NPRL3: variants seen among roughly 807,000 people sequenced by gnomAD.
NPRL3 encodes NPR3 like, GATOR1 complex subunit.
NPRL3 carries 23 observed loss-of-function variants against 57.2 expected under a neutral mutation model. The observed-to-expected ratio is 0.40, with a 90% CI of 0.29 to 0.57. The LOEUF is 0.57. NPRL3 is among the 20% of genes least tolerant of loss of function. The probability of loss-of-function intolerance (pLI) is 0.42; values close to 1 mark genes in which losing one functional copy is unlikely to be tolerated. For synonymous variants in NPRL3, 333 were observed against 321.1 expected, an observed-to-expected ratio of 1.04 and a Z score of -0.39; for missense variants, 691 against 767.1, an observed-to-expected ratio of 0.90 and a Z score of 1.17.
chr16:89,999 T>A (rs1291253176), intron 11 of NPRL3, 97 bp from the exon 12 acceptor site: 1 of 1,164,336 alleles, frequency 8.6e-7, no homozygotes, highest in African/African-American at 1.6e-5. Context: ...CACAGCACGC[T>A]CCCTGTGCTG....
At chr16:115,395 C>T (rs1185727368) in intron 5 of NPRL3, among the ~76,000 whole-genome samples, 1 of 151,668 alleles carries the variant, frequency 6.6e-6, no homozygotes, top group South Asian at 2.1e-4. Flanking sequence ...AAGACTTGTC[C>T]ACCCAAAAAA....
Position 127,650 on chromosome 16 carries a change from G to A in NPRL3, c.188+2872C>T, listed in dbSNP as rs559602449. 1.8e-3 allele frequency among the ~76,000 whole-genome samples: 271 copies of A among 151,078 alleles called. 2 individuals are homozygous for A. Among genetic ancestry groups the A allele is most frequent in the Non-Finnish European group, 3.0e-3 (202 of 67,820 alleles). On this transcript the variant is annotated intron_variant, in intron 3 of 13. Coordinates refer to ENST00000611875, the MANE Select transcript of NPRL3 (RefSeq NM_001077350.3). ...AAATGTGACCAGTGCAACTGAGCAA[G>A]TGAATTTTTTTTTTTTTTTTTTGAG...
intron 7 of NPRL3, among the ~76,000 whole-genome samples, chr16:109,466 AC>A (rs1226463444): frequency 1.3e-5 from 2 of 152,166 alleles, no homozygotes; most frequent in African/African-American, 2.4e-5. Flanking sequence ...AGTCAGTGAC[AC>A]CCACCTAGTG....
intron 7 of NPRL3, among the ~76,000 whole-genome samples, chr16:106,789 G>A (rs566701807): frequency 2.0e-5 from 3 of 152,140 alleles, no homozygotes; most frequent in African/African-American, 7.2e-5. Context: ...GGAGAAAGGC[G>A]CTCTGTCCTA....
chr16:91,413 G>A (rs1898759848), intron 11 of NPRL3, among the ~76,000 whole-genome samples: 1 of 152,190 alleles, frequency 6.6e-6, no homozygotes, highest in Non-Finnish European at 1.5e-5. Flanking sequence ...GGGCTTCCCA[G>A]CACTGGAGCC....
intron 4 of NPRL3, among the ~76,000 whole-genome samples, chr16:117,915 C>A (rs181309373): frequency 6.6e-6 from 1 of 152,356 alleles, no homozygotes; most frequent in Admixed American, 6.5e-5. Flanking sequence ...CTCTTCAAAG[C>A]CAACTACAAG....
chr16:132,709 G>A (rs990685398), intron 2 of NPRL3, among the ~76,000 whole-genome samples: 15 of 137,694 alleles, frequency 1.1e-4, no homozygotes, highest in Admixed American at 2.5e-4. Flanking sequence ...TCGCTCTGTC[G>A]CCCAGGCTGG....
intron 9 of NPRL3, among the ~76,000 whole-genome samples, chr16:93,778 A>C (rs1034679735): frequency 4.6e-5 from 7 of 152,018 alleles, no homozygotes; most frequent in Admixed American, 6.6e-5. Context: ...GTTGGCCAGG[A>C]TGGTCTCGAT....
Position 88,900 on chromosome 16 carries a change from A to ACATG in NPRL3, c.1352-14_1352-11dup, listed in dbSNP as rs1898629807. The ACATG allele has an allele frequency of 6.2e-7, 1 of 1,605,860 alleles. No homozygotes were observed. The highest frequency in any genetic ancestry group is 2.2e-5 in the East Asian group (1 of 44,622). On this transcript the variant is annotated splice_polypyrimidine_tract_variant and intron_variant, in intron 12 of 13. Transcript: ENST00000611875. Reference sequence around the variant, plus strand: ...ATGTCATCGCTGCTGGCTGTGGGGGACATGGGTCAGGGTGACCAAGTGGAA... The same window carrying ACATG: ...ATGTCATCGCTGCTGGCTGTGGGGGACATGCATGGGTCAGGGTGACCAAGTGGAA...
Position 92,824 on chromosome 16 carries a change from G to A in NPRL3, c.1032-99C>T. The A allele has an allele frequency of 1.5e-5, 23 of 1,510,994 alleles. No individual in the cohort carries two copies. In the Middle Eastern group the frequency reaches 9.5e-4, roughly 62 times the overall value. 93.6% of individuals were successfully genotyped at this position (1,510,994 alleles called of 1,614,324 possible). On this transcript the variant is annotated intron_variant, in intron 10 of 13. Coordinates refer to ENST00000611875, the MANE Select transcript of NPRL3 (RefSeq NM_001077350.3). ...AGCAGAGAAGCAAAGTGTGGCAGGTGGGTCAGGACAGTGCGATGAGGGCAG... is the reference window on the plus strand; with the variant it reads ...AGCAGAGAAGCAAAGTGTGGCAGGTAGGTCAGGACAGTGCGATGAGGGCAG...
intron 3 of NPRL3, among the ~76,000 whole-genome samples, chr16:128,836 G>T (rs1900662285): frequency 6.6e-6 from 1 of 152,050 alleles, no homozygotes; most frequent in Admixed American, 6.5e-5. Flanking sequence ...CCAGGAACAT[G>T]CTCTGAGCTA....
At position 98,483 on chromosome 16, in the gene NPRL3, C is replaced by T. The variant is rs1470412530; in HGVS notation, c.768-182G>A. On this transcript the variant is annotated intron_variant, in intron 8 of 13. Transcript: ENST00000611875. ...ACGGAACATACGAAGTGCAGGGAAC[C>T]CTGCACCAGGTATGCACCAGGTCCT... Among the ~76,000 whole-genome samples the T allele has an allele frequency of 1.1e-4, 17 of 152,078 alleles. No homozygotes were observed. In the East Asian group the frequency reaches 3.3e-3, roughly 29 times the overall value.
chr16:100,839 CGG>C (rs756676810), intron 7 of NPRL3, among the ~76,000 whole-genome samples: 3 of 149,722 alleles, frequency 2.0e-5, no homozygotes, highest in African/African-American at 7.4e-5. Flanking sequence ...GGTGTGGTGG[CGG>C]GCGCCTGTAG....
chr16:125,477 C>T (rs751546975), intron 3 of NPRL3, among the ~76,000 whole-genome samples: 7 of 152,198 alleles, frequency 4.6e-5, no homozygotes, highest in Non-Finnish European at 1.0e-4. Context: ...TACAGACTTG[C>T]GTCTGCCCCT....
intron 7 of NPRL3, among the ~76,000 whole-genome samples, chr16:101,956 G>C (rs562489970): frequency 1.3e-5 from 2 of 152,330 alleles, no homozygotes; most frequent in African/African-American, 4.8e-5. Context: ...TCACTCCTGA[G>C]GAGGGGGGCT....
intron 4 of NPRL3, among the ~76,000 whole-genome samples, chr16:118,005 G>A (rs1900121424): frequency 2.0e-5 from 3 of 152,208 alleles, no homozygotes; most frequent in Admixed American, 2.0e-4. Flanking sequence ...CTGTCTACAG[G>A]GTGTGACCGC....
In NPRL3 at chr16:100,771, C is replaced by T. The variant is rs1380383697; in HGVS notation, c.630-262G>A. ...GATCACGAGGTCAGCAGTTCGAGAC[C>T]AGCCTGGCTAATAACACGGTGAAAC... On this transcript the variant is annotated intron_variant, in intron 7 of 13. Coordinates refer to ENST00000611875, the MANE Select transcript of NPRL3 (RefSeq NM_001077350.3). 1.6e-4 allele frequency among the ~76,000 whole-genome samples: 4 copies of T among 24,322 alleles called. No homozygotes were observed. The Admixed American group carries it at 2.0e-3, about 12-fold the overall frequency. The allele number at this position is 24,322 out of a possible 152,430, so 16.0% of individuals were successfully genotyped here. A position where few individuals can be genotyped will look rare whatever the true frequency, so the allele number is the denominator to read the frequency against.
intron 9 of NPRL3, 44 bp downstream of exon 9, chr16:98,101 C>G: frequency 6.3e-7 from 1 of 1,595,020 alleles, no homozygotes; most frequent in Non-Finnish European, 8.6e-7. Flanking sequence ...TCCTGATGCC[C>G]CAGCACCGCC....
chr16:98,125 C>G lies in NPRL3; in HGVS notation c.924+20G>C. ...CCCAGCACCGCCACATGCCACCCATCTGGGCCTCCAGAGCTATACCTGCAG... is the reference window on the plus strand; with the variant it reads ...CCCAGCACCGCCACATGCCACCCATGTGGGCCTCCAGAGCTATACCTGCAG... On this transcript the variant is annotated intron_variant, in intron 9 of 13. Coordinates refer to ENST00000611875, the MANE Select transcript of NPRL3 (RefSeq NM_001077350.3). The G allele has an allele frequency of 6.2e-7, 1 of 1,609,000 alleles. No individual in the cohort carries two copies. The highest frequency in any genetic ancestry group is 8.5e-7 in the Non-Finnish European group (1 of 1,177,010).
Sources: allele counts gnomAD v4.1 joint callset (sites outside exome capture counted in the v4.1 genomes callset), GRCh38; gene constraint gnomAD v4.1.1; transcripts MANE v1.5; gene names NCBI Gene and HGNC (gene_info 2026-07-23, HGNC 2026-07-21).